The following OOSP3 variants were observed in gnomAD, a reference collection of about 807,000 sequenced individuals.
OOSP3 encodes oocyte secreted protein family member 3, also known as oocyte-secreted protein 3.
At chr11:59,882,402 C>T (rs180927593) in intron 2 of OOSP3, among the ~76,000 whole-genome samples, 294 of 152,136 alleles carry the variant, frequency 1.9e-3, no homozygotes, top group Non-Finnish European at 3.4e-3. Flanking sequence ...TTCAAATTTC[C>T]ATAGTATACA....
At chr11:59,894,818 C>G (rs889507680) in intron 3 of OOSP3, among the ~76,000 whole-genome samples, 1 of 152,170 alleles carries the variant, frequency 6.6e-6, no homozygotes, top group Admixed American at 6.5e-5. Flanking sequence ...CTTGAACACA[C>G]CTTCTCACCT....
chr11:59,886,369 C>T (rs1853258802), intron 2 of OOSP3, among the ~76,000 whole-genome samples: 1 of 152,194 alleles, frequency 6.6e-6, no homozygotes, highest in Non-Finnish European at 1.5e-5. Context: ...GTGCGTGAAT[C>T]CTTGTAATAG....
chr11:59,879,892 A>C lies in OOSP3; in HGVS notation c.74-369A>C, dbSNP rs192647684. On this transcript the variant is annotated intron_variant, in intron 1 of 4. Transcript: ENST00000646438. ...GAAGCTGCAGCTTCAGTGCCCTATCAGTCATTTACACTGGCCTAATTATGT... is the reference window on the plus strand; with the variant it reads ...GAAGCTGCAGCTTCAGTGCCCTATCCGTCATTTACACTGGCCTAATTATGT... Among the ~76,000 whole-genome samples the C allele has an allele frequency of 4.5e-3, 678 of 152,304 alleles. 4 individuals carry two copies. Among genetic ancestry groups the C allele is most frequent in the Non-Finnish European group, 7.6e-3 (516 of 68,018 alleles).
At chr11:59,884,204 G>A (rs1853228063) in intron 2 of OOSP3, among the ~76,000 whole-genome samples, 1 of 152,198 alleles carries the variant, frequency 6.6e-6, no homozygotes, top group African/African-American at 2.4e-5. Context: ...TTCCGGAAGT[G>A]AAAAGGAGGT....
chr11:59,881,861 A>G (rs1289085106), intron 2 of OOSP3, among the ~76,000 whole-genome samples: 2 of 152,086 alleles, frequency 1.3e-5, no homozygotes, highest in Non-Finnish European at 2.9e-5. Context: ...ACAGAGCAAG[A>G]CTCCGTCTCA....
chr11:59,896,127 C>A lies in OOSP3; in HGVS notation c.502-6C>A. 2.5e-6 allele frequency: 1 copy of A among 398,356 alleles called. No individual in the cohort carries two copies. Among genetic ancestry groups the A allele is most frequent in the South Asian group, 1.3e-4 (1 of 7,854 alleles). The allele number at this position is 398,356 out of a possible 1,614,324, so 24.7% of individuals were successfully genotyped here. The stretch of plus-strand genomic sequence containing the variant: ...TTTATTAACTACCTTTCTTTTTTCT[C>A]TGTAGGTAGAGGCATCTCATCAGTC... On this transcript the variant is annotated splice_polypyrimidine_tract_variant and splice_region_variant and intron_variant, in intron 4 of 4. Transcript: ENST00000646438.
chr11:59,880,524 T>G (rs1032692190), intron 2 of OOSP3, 85 bp downstream of exon 2: 6 of 397,528 alleles, frequency 1.5e-5, no homozygotes, highest in Non-Finnish European at 2.7e-5. Context: ...AGTGCGAGAT[T>G]TTTTTATGGC....
rs1008444939 is a variant in OOSP3 at position 59,879,392 on chromosome 11, C to T, written c.73+511C>T. Among the ~76,000 whole-genome samples, 9 of 152,094 alleles carry T rather than the reference C, an allele frequency of 5.9e-5. No individual in the cohort carries two copies. In the East Asian group the frequency reaches 1.7e-3, roughly 29 times the overall value. On this transcript the variant is annotated intron_variant, in intron 1 of 4. Coordinates refer to ENST00000646438, the Ensembl canonical transcript of OOSP3. The stretch of plus-strand genomic sequence containing the variant: ...TATTAATAGTTTTATTTGCATTCCA[C>T]TTACTTTTTCCATATTTTACAGTAA...
At position 59,878,891 on chromosome 11, in the gene OOSP3, AC is replaced by A. The variant is rs1853176814; in HGVS notation, c.73+12del. On this transcript the variant is annotated intron_variant, in intron 1 of 4. Coordinates refer to ENST00000646438, the Ensembl canonical transcript of OOSP3. ...TCTGAGCAAGAGTCAGGTACAAGTG[AC>A]CTTTATATTTTGTTGTTTGAAGTCA... 1 of 398,136 alleles carries A rather than the reference AC, an allele frequency of 2.5e-6. No homozygotes were observed. 24.7% of individuals were successfully genotyped at this position (398,136 alleles called of 1,614,324 possible).
intron 1 of OOSP3, 25 bp from the exon 2 acceptor site, chr11:59,880,236 G>A: frequency 5.0e-6 from 2 of 397,996 alleles, no homozygotes; most frequent in Non-Finnish European, 8.9e-6. Flanking sequence ...CTATCTAAAT[G>A]TTTAAAAAAA....
intron 2 of OOSP3, among the ~76,000 whole-genome samples, chr11:59,883,355 T>A (rs900178170): frequency 6.6e-6 from 1 of 152,230 alleles, no homozygotes; most frequent in Non-Finnish European, 1.5e-5. Context: ...GATTAGATTT[T>A]ATTAAACAGC....
intron 1 of OOSP3, among the ~76,000 whole-genome samples, 157 bp downstream of exon 1, chr11:59,879,038 G>A (rs752103356): frequency 3.3e-5 from 5 of 152,112 alleles, no homozygotes; most frequent in African/African-American, 1.2e-4. Context: ...CTACCACCCC[G>A]CAAAGCAAGT....
exon 5 of OOSP3, chr11:59,896,249 C>T (rs1189668041): frequency 7.5e-6 from 3 of 398,264 alleles, no homozygotes; most frequent in Non-Finnish European, 1.3e-5. Context: ...TCTGTTGCTA[C>T]AGCTTACTTA....
chr11:59,893,968 T>G (rs943908182), intron 2 of OOSP3, 111 bp from the exon 3 acceptor site: 5 of 395,472 alleles, frequency 1.3e-5, no homozygotes, highest in African/African-American at 1.0e-4. Context: ...CAGAGAGACC[T>G]TGGTGCAGTA....
At chr11:59,887,752 T>C (rs1853276401) in intron 2 of OOSP3, among the ~76,000 whole-genome samples, 1 of 152,214 alleles carries the variant, frequency 6.6e-6, no homozygotes, top group Non-Finnish European at 1.5e-5. Context: ...CTTTGTTCTT[T>C]TTGTTTAGGA....
chr11:59,885,988 C>T (rs571809279), intron 2 of OOSP3, among the ~76,000 whole-genome samples: 1 of 152,026 alleles, frequency 6.6e-6, no homozygotes, highest in Non-Finnish European at 1.5e-5. Context: ...AACTATCAAT[C>T]CATCACCTAG....
At chr11:59,885,259 A>G (rs1853243317) in intron 2 of OOSP3, among the ~76,000 whole-genome samples, 1 of 152,064 alleles carries the variant, frequency 6.6e-6, no homozygotes, top group African/African-American at 2.4e-5. Context: ...ATGTTGCTGG[A>G]TATGGTATGC....
rs956037412 is a variant in OOSP3 at position 59,880,248 on chromosome 11, T to G, written c.74-13T>G. 2.5e-6 allele frequency: 1 copy of G among 398,356 alleles called. No individual in the cohort carries two copies. Among genetic ancestry groups the G allele is most frequent in the Admixed American group, 4.4e-5 (1 of 22,718 alleles). The allele number at this position is 398,356 out of a possible 1,614,324, so 24.7% of individuals were successfully genotyped here. A position where few individuals can be genotyped will look rare whatever the true frequency, so the allele number is the denominator to read the frequency against. ...TTGCTATCTAAATGTTTAAAAAAAT[T>G]TTTTTTCAACAGTGTCAGTAGGATG... On this transcript the variant is annotated splice_polypyrimidine_tract_variant and intron_variant, in intron 1 of 4. Coordinates refer to ENST00000646438, the Ensembl canonical transcript of OOSP3.
chr11:59,881,874 A>AT (rs1361182065), intron 2 of OOSP3, among the ~76,000 whole-genome samples: 1 of 152,220 alleles, frequency 6.6e-6, no homozygotes, highest in African/African-American at 2.4e-5. Flanking sequence ...CCGTCTCAAA[A>AT]AAATAAATAA....
Sources: allele counts gnomAD v4.1 joint callset (sites outside exome capture counted in the v4.1 genomes callset), GRCh38; gene constraint gnomAD v4.1.1; transcripts MANE v1.5; gene names NCBI Gene and HGNC (gene_info 2026-07-23, HGNC 2026-07-21).